The following WDR7 variants were observed in gnomAD, a reference collection of about 807,000 sequenced individuals.
WDR7 encodes WD repeat domain 7, also known as WD repeat-containing protein 7.
Under a neutral mutation model 169.4 loss-of-function variants are expected in WDR7, and 46 were observed. That is an observed-to-expected ratio of 0.27 (90% CI 0.21 to 0.35). The LOEUF is 0.35. Among genes scored for constraint, WDR7 ranks in the 10% least tolerant of loss-of-function variants. The probability of loss-of-function intolerance (pLI) is 1.00; values close to 1 mark genes in which losing one functional copy is unlikely to be tolerated. For missense variants in WDR7, 1,534 were observed against 1,859.3 expected (o/e 0.83, Z 3.22); for synonymous variants, 612 against 666.8 (o/e 0.92, Z 1.27).
At chr18:56,830,041 G>T (rs2045281520) in intron 20 of WDR7, among the ~76,000 whole-genome samples, 1 of 152,160 alleles carries the variant, frequency 6.6e-6, no homozygotes, top group African/African-American at 2.4e-5. Flanking sequence ...CTCTAAATTG[G>T]TTAGTGTACT....
At chr18:56,940,834 G>A (rs547346988) in intron 25 of WDR7, among the ~76,000 whole-genome samples, 1 of 152,236 alleles carries the variant, frequency 6.6e-6, no homozygotes, top group South Asian at 2.1e-4. Context: ...ATGTTTAAAG[G>A]ATCTGTTTTT....
intron 1 of WDR7, among the ~76,000 whole-genome samples, chr18:56,670,314 A>G (rs1443464950): frequency 6.6e-6 from 1 of 152,036 alleles, no homozygotes; most frequent in Non-Finnish European, 1.5e-5. Context: ...TATTAGAAAA[A>G]AATGTTTTGG....
intron 21 of WDR7, among the ~76,000 whole-genome samples, chr18:56,881,545 T>A (rs2145485669): frequency 6.6e-6 from 1 of 152,318 alleles, no homozygotes; most frequent in Middle Eastern, 3.4e-3. Flanking sequence ...CTGCTGCTAT[T>A]CAGTGGCTCC....
intron 9 of WDR7, among the ~76,000 whole-genome samples, chr18:56,693,718 C>T (rs751565888): frequency 1.3e-4 from 19 of 151,112 alleles, no homozygotes; most frequent in Admixed American, 6.6e-5. Flanking sequence ...ATTACAGGCA[C>T]GCACCACCAC....
intron 20 of WDR7, among the ~76,000 whole-genome samples, chr18:56,822,021 G>A (rs756708650): frequency 6.6e-6 from 1 of 151,816 alleles, no homozygotes; most frequent in Non-Finnish European, 1.5e-5. Flanking sequence ...GGAAAAACTG[G>A]GCTCACGCTA....
At chr18:56,812,593 T>A (rs921629334) in intron 19 of WDR7, among the ~76,000 whole-genome samples, 6 of 152,088 alleles carry the variant, frequency 3.9e-5, no homozygotes, top group African/African-American at 1.4e-4. Context: ...AAGTCTAAAA[T>A]CCTCAGAATC....
rs1284522049 is a variant in WDR7 at position 56,944,550 on chromosome 18, CAT to C, written c.4064+5160_4064+5161del. On this transcript the variant is annotated intron_variant, in intron 25 of 27. Transcript: ENST00000254442. ...TGTTCTGTGATAACTTTCTTCAAAA[CAT>C]ATTTAAAATTTGAGCTATAAACTGT... Among the ~76,000 whole-genome samples, 7 of 152,212 alleles carry C rather than the reference CAT, an allele frequency of 4.6e-5. 1 individual carries two copies. The South Asian group carries it at 1.5e-3, about 32-fold the overall frequency.
At chr18:56,720,030 T>C (rs1355742756) in intron 13 of WDR7, among the ~76,000 whole-genome samples, 2 of 152,234 alleles carry the variant, frequency 1.3e-5, no homozygotes, top group Non-Finnish European at 2.9e-5. Flanking sequence ...GCTGCTTAAC[T>C]TGTTACTTTG....
chr18:57,007,114 C>T (rs974903590), intron 26 of WDR7, among the ~76,000 whole-genome samples: 7 of 151,148 alleles, frequency 4.6e-5, no homozygotes, highest in Non-Finnish European at 8.9e-5. Flanking sequence ...CGAGTAGCTG[C>T]GACTACAGGC....
chr18:56,794,304 A>ACTTTTTTTTTTTTT (rs2044543333), intron 19 of WDR7, among the ~76,000 whole-genome samples: 1 of 49,466 alleles, frequency 2.0e-5, no homozygotes, highest in Non-Finnish European at 3.8e-5. Flanking sequence ...GGTAAAGTCT[A>ACTTTTTTTTTTTTT]TTTTTTTTTT....
Position 57,027,285 on chromosome 18 carries a change from C to T in WDR7, c.*78C>T, listed in dbSNP as rs2048380442. Reference sequence around the variant, plus strand: ...GATGTTGCTCTGTCCTTCCTCACACCAGATTGTTCCCAGGGGCCTGCCCAC... The same window carrying T: ...GATGTTGCTCTGTCCTTCCTCACACTAGATTGTTCCCAGGGGCCTGCCCAC... On this transcript the variant is annotated 3_prime_UTR_variant, in exon 28 of 28. Coordinates refer to ENST00000254442, the MANE Select transcript of WDR7 (RefSeq NM_015285.3). 6.0e-6 allele frequency: 9 copies of T among 1,503,878 alleles called. No individual in the cohort carries two copies. The highest frequency in any genetic ancestry group is 7.1e-6 in the Non-Finnish European group (8 of 1,122,870). 93.2% of individuals were successfully genotyped at this position (1,503,878 alleles called of 1,614,324 possible).
intron 21 of WDR7, among the ~76,000 whole-genome samples, chr18:56,908,118 A>G (rs1025178772): frequency 6.6e-6 from 1 of 152,178 alleles, no homozygotes; most frequent in African/African-American, 2.4e-5. Flanking sequence ...TTTTAAGCTC[A>G]TTTACTGTCT....
chr18:56,959,343 G>A (rs1185322520), intron 25 of WDR7, among the ~76,000 whole-genome samples: 2 of 152,164 alleles, frequency 1.3e-5, no homozygotes, highest in African/African-American at 4.8e-5. Flanking sequence ...AATGATGAAA[G>A]CATGGAGATC....
At chr18:56,815,028 C>T (rs963625535) in intron 19 of WDR7, among the ~76,000 whole-genome samples, 7 of 152,110 alleles carry the variant, frequency 4.6e-5, no homozygotes, top group Non-Finnish European at 1.0e-4. Context: ...GGTTCTTCCT[C>T]TTTTGGTGCC....
chr18:56,895,331 G>A (rs8097840), intron 21 of WDR7, among the ~76,000 whole-genome samples: 117,733 of 151,646 alleles, frequency 0.78, 46,451 homozygotes, highest in East Asian at 0.95. Flanking sequence ...CATAAAAACC[G>A]GGAAGTAAAA....
rs192109993 is a variant in WDR7 at position 56,655,198 on chromosome 18, T to G, written c.-20+3622T>G. 5.9e-4 allele frequency among the ~76,000 whole-genome samples: 90 copies of G among 152,340 alleles called. 1 individual carries two copies. In the East Asian group the frequency reaches 0.017, roughly 28 times the overall value. ...TTTTATGCAGCTTCACCCAAGGAAC[T>G]TCCCTCAATAGTTACAATTTATACC... On this transcript the variant is annotated intron_variant, in intron 1 of 27. Coordinates refer to ENST00000254442, the MANE Select transcript of WDR7 (RefSeq NM_015285.3).
intron 21 of WDR7, among the ~76,000 whole-genome samples, chr18:56,913,945 A>G (rs1214024639): frequency 6.6e-6 from 1 of 152,164 alleles, no homozygotes; most frequent in African/African-American, 2.4e-5. Flanking sequence ...GGTCTATTCC[A>G]TACACAGGAC....
In WDR7 at chr18:56,837,689, C is replaced by T. The variant is rs189688333; in HGVS notation, c.3304+21545C>T. 1.0e-3 allele frequency among the ~76,000 whole-genome samples: 157 copies of T among 152,122 alleles called. 1 individual carries two copies. Among genetic ancestry groups the T allele is most frequent in the African/African-American group, 3.5e-3 (146 of 41,526 alleles). On this transcript the variant is annotated intron_variant, in intron 20 of 27. Coordinates refer to ENST00000254442, the MANE Select transcript of WDR7 (RefSeq NM_015285.3). ...TTTTCTTTTTTTTGAGACGGAGTTT[C>T]GCTTTTGTCGCCCAGGTTGGAGTGC...
intron 21 of WDR7, among the ~76,000 whole-genome samples, chr18:56,915,563 T>C (rs928988626): frequency 1.3e-5 from 2 of 152,184 alleles, no homozygotes; most frequent in East Asian, 1.9e-4. Context: ...TATGTCTTCA[T>C]TGATGATTTT....
Sources: allele counts gnomAD v4.1 joint callset (sites outside exome capture counted in the v4.1 genomes callset), GRCh38; gene constraint gnomAD v4.1.1; transcripts MANE v1.5; gene names NCBI Gene and HGNC (gene_info 2026-07-23, HGNC 2026-07-21).